The following RAB11FIP4 variants were observed in gnomAD, a reference collection of about 807,000 sequenced individuals.
RAB11FIP4 encodes RAB11 family interacting protein 4, also known as rab11 family-interacting protein 4.
In RAB11FIP4, 23 loss-of-function variants were observed where a neutral mutation model predicts 74.3. The observed-to-expected ratio is 0.31, with a 90% confidence interval of 0.22 to 0.44. The LOEUF is 0.44. Among genes scored for constraint, RAB11FIP4 ranks in the 20% least tolerant of loss-of-function variants. The probability of loss-of-function intolerance (pLI) is 1.00; values close to 1 mark genes in which losing one functional copy is unlikely to be tolerated. For synonymous variants in RAB11FIP4, 360 were observed against 359.9 expected, an observed-to-expected ratio of 1.00 and a Z score of 0.00; for missense variants, 630 against 863.9, an observed-to-expected ratio of 0.73 and a Z score of 3.39.
chr17:31,509,152 C>T (rs2072407203), intron 3 of RAB11FIP4: 1 of 152,612 alleles, frequency 6.6e-6, no homozygotes, highest in Non-Finnish European at 1.5e-5. Context: ...CCTCAGTCTC[C>T]ACATCTTCAA....
chr17:31,524,294 A>C lies in RAB11FIP4; in HGVS notation c.1133+298A>C, dbSNP rs2072724397. 1.6e-5 allele frequency: 6 copies of C among 367,532 alleles called. No individual in the cohort carries two copies. In the South Asian group the frequency reaches 1.9e-4, roughly 12 times the overall value. 22.8% of individuals were successfully genotyped at this position (367,532 alleles called of 1,614,324 possible). A position where few individuals can be genotyped will look rare whatever the true frequency, so the allele number is the denominator to read the frequency against. On this transcript the variant is annotated intron_variant, in intron 9 of 14. Coordinates refer to ENST00000621161, the MANE Select transcript of RAB11FIP4 (RefSeq NM_032932.6). ...AGTGGGGATCCACTGTGTCTCACTC[A>C]TACAGTGACAGGAGCCTGACGTCCC...
At chr17:31,519,835 T>A in intron 4 of RAB11FIP4, among the ~76,000 whole-genome samples, 1 of 152,078 alleles carries the variant, frequency 6.6e-6, no homozygotes, top group East Asian at 1.9e-4. Context: ...CTGCTCGTGC[T>A]GCTCTCTGGG....
chr17:31,427,357 C>T (rs796412220), intron 1 of RAB11FIP4, among the ~76,000 whole-genome samples: 70 of 152,300 alleles, frequency 4.6e-4, no homozygotes, highest in African/African-American at 1.5e-3. Context: ...GGTGTGCCCC[C>T]GGTTGCAGCT....
At chr17:31,516,693 C>A (rs1474533376) in intron 3 of RAB11FIP4, among the ~76,000 whole-genome samples, 3 of 152,330 alleles carry the variant, frequency 2.0e-5, no homozygotes, top group African/African-American at 7.2e-5. Flanking sequence ...TGATCTTGAT[C>A]TCCTGACCTC....
intron 1 of RAB11FIP4, among the ~76,000 whole-genome samples, chr17:31,398,612 G>A (rs1335812860): frequency 6.6e-6 from 1 of 152,224 alleles, no homozygotes; most frequent in Non-Finnish European, 1.5e-5. Flanking sequence ...CCATCCACAA[G>A]CTTCCCTTAT....
intron 3 of RAB11FIP4, among the ~76,000 whole-genome samples, chr17:31,484,610 C>G (rs182528969): frequency 1.2e-4 from 19 of 152,240 alleles, no homozygotes; most frequent in African/African-American, 4.3e-4. Context: ...CCATCAGATA[C>G]AGTCACCATC....
At chr17:31,491,509 A>G (rs1424177304) in intron 3 of RAB11FIP4, among the ~76,000 whole-genome samples, 1 of 152,196 alleles carries the variant, frequency 6.6e-6, no homozygotes, top group East Asian at 1.9e-4. Flanking sequence ...GGAAGTCCTC[A>G]CTGAGAAGGT....
intron 10 of RAB11FIP4, chr17:31,527,153 G>A (rs2521775): frequency 1 from 152,322 of 152,362 alleles, 76,141 homozygotes; most frequent in Middle Eastern, 1. Context: ...TTGCCTTCAA[G>A]TTACAGAGTC....
At chr17:31,499,478 C>T (rs1399683830) in intron 3 of RAB11FIP4, among the ~76,000 whole-genome samples, 1 of 152,130 alleles carries the variant, frequency 6.6e-6, no homozygotes, top group African/African-American at 2.4e-5. Context: ...GCCTCCGCCT[C>T]CCGAGTAGCT....
rs758728197 is a variant in RAB11FIP4, at chr17:31,408,461, T to A, written c.159+16450T>A. Among the ~76,000 whole-genome samples the A allele has an allele frequency of 5.3e-4, 81 of 152,326 alleles. 1 individual carries two copies. Among genetic ancestry groups the A allele is most frequent in the Non-Finnish European group, 1.0e-3 (71 of 68,036 alleles). ...TTTATTACTGCTGAGAATTAAGTAC[T>A]TTTTTTCCATTGATTTTTTTCCTAG... On this transcript the variant is annotated intron_variant, in intron 1 of 14. Transcript: ENST00000621161.
chr17:31,458,828 C>A (rs2071606275), intron 3 of RAB11FIP4, among the ~76,000 whole-genome samples: 1 of 152,210 alleles, frequency 6.6e-6, no homozygotes, highest in African/African-American at 2.4e-5. Flanking sequence ...GCTGCCACTT[C>A]CTCCCCAGGA....
intron 1 of RAB11FIP4, among the ~76,000 whole-genome samples, chr17:31,397,874 C>CT (rs1267977554): frequency 0.012 from 1,670 of 142,086 alleles, 11 homozygotes; most frequent in Non-Finnish European, 0.015. Context: ...ACGCCCCTGC[C>CT]TTTTTTTTTT....
chr17:31,518,437 G>C (rs1242435450), intron 4 of RAB11FIP4: 1 of 151,956 alleles, frequency 6.6e-6, no homozygotes, highest in Non-Finnish European at 1.5e-5. Flanking sequence ...CATATGCCAG[G>C]CAAGTGGCAT....
chr17:31,485,327 G>C (rs2071890707), intron 3 of RAB11FIP4, among the ~76,000 whole-genome samples: 1 of 152,148 alleles, frequency 6.6e-6, no homozygotes, highest in Non-Finnish European at 1.5e-5. Flanking sequence ...GAAAAATAAA[G>C]AAGGACCTAC....
At position 31,536,658 on chromosome 17, in the gene RAB11FIP4, C is replaced by T. The variant is rs559844332; in HGVS notation, c.*4926C>T. Reference sequence around the variant, plus strand: ...CATGCCGTCAGTGGATGACTTTGAGCGCTGATCCTAGGGACCTGCCAGGTC... The same window carrying T: ...CATGCCGTCAGTGGATGACTTTGAGTGCTGATCCTAGGGACCTGCCAGGTC... On this transcript the variant is annotated 3_prime_UTR_variant, in exon 15 of 15. Transcript: ENST00000621161. 6 of 232,070 alleles carry T rather than the reference C, an allele frequency of 2.6e-5. No homozygotes were observed. The South Asian group carries it at 7.2e-4, about 28-fold the overall frequency. 14.4% of individuals were successfully genotyped at this position (232,070 alleles called of 1,614,324 possible).
chr17:31,443,475 C>T (rs373936199), intron 3 of RAB11FIP4, among the ~76,000 whole-genome samples: 11 of 152,236 alleles, frequency 7.2e-5, no homozygotes, highest in African/African-American at 2.4e-4. Flanking sequence ...ATTTTTAATT[C>T]GTAGAATTGA....
intron 3 of RAB11FIP4, among the ~76,000 whole-genome samples, chr17:31,505,674 A>T (rs2072333309): frequency 1.3e-5 from 1 of 79,036 alleles, no homozygotes; most frequent in African/African-American, 3.9e-5. Flanking sequence ...TATAATACAT[A>T]ATTATTATAA....
chr17:31,442,779 G>A (rs2071418168), intron 3 of RAB11FIP4, among the ~76,000 whole-genome samples: 1 of 152,118 alleles, frequency 6.6e-6, no homozygotes, highest in African/African-American at 2.4e-5. Flanking sequence ...GACCAACGTG[G>A]TGAAACCCCG....
intron 1 of RAB11FIP4, among the ~76,000 whole-genome samples, chr17:31,413,899 A>T (rs2071123210): frequency 6.6e-6 from 1 of 152,384 alleles, no homozygotes; most frequent in Admixed American, 6.5e-5. Flanking sequence ...TTTTAAATTC[A>T]GCCAGTTAAA....
Sources: allele counts gnomAD v4.1 joint callset (sites outside exome capture counted in the v4.1 genomes callset), GRCh38; gene constraint gnomAD v4.1.1; transcripts MANE v1.5; gene names NCBI Gene and HGNC (gene_info 2026-07-23, HGNC 2026-07-21).